The following VPS13B variants were observed in gnomAD, a reference collection of about 807,000 sequenced individuals.
The protein encoded by VPS13B is intermembrane lipid transfer protein VPS13B.
In VPS13B, 285 loss-of-function variants were observed where a neutral mutation model predicts 426.4. The ratio of observed to expected loss-of-function variants is 0.67; its 90% CI spans 0.61 to 0.74. VPS13B has a LOEUF of 0.74. Ranked by LOEUF, VPS13B falls within the 30% of genes least tolerant of loss-of-function variation. The probability of loss-of-function intolerance (pLI) is 0.00; values close to 1 mark genes in which losing one functional copy is unlikely to be tolerated. For synonymous variants in VPS13B, 1,676 were observed against 1,676.4 expected, an observed-to-expected ratio of 1.00 and a Z score of 0.01; for missense variants, 4,537 against 4,782.6, an observed-to-expected ratio of 0.95 and a Z score of 1.51.
intron 19 of VPS13B, among the ~76,000 whole-genome samples, chr8:99,342,442 A>C (rs932387443): frequency 6.6e-6 from 1 of 152,152 alleles, no homozygotes; most frequent in Non-Finnish European, 1.5e-5. Flanking sequence ...ATTCTGTGCT[A>C]CTTCTACAAG....
chr8:99,433,314 C>T (rs1226720587), intron 22 of VPS13B, among the ~76,000 whole-genome samples: 1 of 152,180 alleles, frequency 6.6e-6, no homozygotes, highest in African/African-American at 2.4e-5. Context: ...GTGTCCAGGG[C>T]TTACCAGCAC....
At chr8:99,484,565 T>C (rs1306749653) in intron 25 of VPS13B, among the ~76,000 whole-genome samples, 1 of 152,136 alleles carries the variant, frequency 6.6e-6, no homozygotes, top group African/African-American at 2.4e-5. Flanking sequence ...TTTATGAAGA[T>C]GGTTATTCAC....
intron 34 of VPS13B, 84 bp from the exon 35 acceptor site, chr8:99,661,270 C>G: frequency 6.4e-7 from 1 of 1,556,352 alleles, no homozygotes; most frequent in Non-Finnish European, 8.8e-7. Flanking sequence ...CAGTTTTTCT[C>G]TCATTTATTA....
chr8:99,130,923 C>G (rs1038217855), intron 8 of VPS13B, among the ~76,000 whole-genome samples: 4 of 152,090 alleles, frequency 2.6e-5, no homozygotes, highest in Non-Finnish European at 5.9e-5. Flanking sequence ...TTAGTTGATA[C>G]TCAATATAGA....
intron 15 of VPS13B, among the ~76,000 whole-genome samples, chr8:99,159,673 G>A (rs563949273): frequency 3.9e-5 from 6 of 152,128 alleles, no homozygotes; most frequent in Middle Eastern, 3.4e-3. Context: ...TTTTTGTAAG[G>A]GGTGAGGGCA....
intron 20 of VPS13B, among the ~76,000 whole-genome samples, chr8:99,388,802 G>C (rs1350706380): frequency 6.6e-6 from 1 of 152,174 alleles, no homozygotes; most frequent in African/African-American, 2.4e-5. Flanking sequence ...TTACTCTTGT[G>C]TTAGAAAGTG....
chr8:99,273,812 A>C (rs1423904349), intron 17 of VPS13B, among the ~76,000 whole-genome samples: 1 of 152,186 alleles, frequency 6.6e-6, no homozygotes, highest in East Asian at 1.9e-4. Flanking sequence ...TAAAAAATAA[A>C]AAATAAAGTC....
At chr8:99,520,388 T>TG (rs1822313914) in intron 29 of VPS13B, among the ~76,000 whole-genome samples, 6 of 138,174 alleles carry the variant, frequency 4.3e-5, no homozygotes, top group Non-Finnish European at 7.9e-5. Context: ...AGTGATATAC[T>TG]TTGTGTGTGT....
chr8:99,455,235 G>A (rs1818393593), intron 23 of VPS13B, among the ~76,000 whole-genome samples: 1 of 152,112 alleles, frequency 6.6e-6, no homozygotes, highest in African/African-American at 2.4e-5. Context: ...ATAGTTTTGT[G>A]TTTTGCATTA....
intron 25 of VPS13B, among the ~76,000 whole-genome samples, chr8:99,496,084 TACTC>T (rs1820866663): frequency 6.6e-6 from 1 of 152,188 alleles, no homozygotes; most frequent in South Asian, 2.1e-4. Flanking sequence ...GGATTACCGT[TACTC>T]ACAGACAACT....
rs937213176 is a variant in VPS13B, at chr8:99,642,221, G to A, written c.5631G>A (p.Arg1877=). 26 of 1,614,000 alleles carry A rather than the reference G, an allele frequency of 1.6e-5. No homozygotes were observed. The Admixed American group carries it at 2.3e-4, about 14-fold the overall frequency. The change falls in exon 34 of 62, where the codon AGG becomes AGA. Residue 1877 remains arginine, a synonymous_variant. Coordinates refer to ENST00000357162, the MANE Select transcript of VPS13B (RefSeq NM_152564.5). ...ISTVTAEDLL[R]SSISFPSGKK... Reference sequence around the variant, plus strand: ...CGGTGACAGCAGAAGATCTCTTAAGGAGCAGCATTTCTTTTCCTTCAGGGA... The same window carrying A: ...CGGTGACAGCAGAAGATCTCTTAAGAAGCAGCATTTCTTTTCCTTCAGGGA...
At chr8:99,591,333 G>A (rs181222429) in intron 33 of VPS13B, among the ~76,000 whole-genome samples, 2 of 151,752 alleles carry the variant, frequency 1.3e-5, no homozygotes, top group Admixed American at 6.6e-5. Flanking sequence ...TTTTAATTGG[G>A]GCATTTAGCC....
At chr8:99,826,413 T>C (rs1484283951) in intron 51 of VPS13B, among the ~76,000 whole-genome samples, 1 of 152,226 alleles carries the variant, frequency 6.6e-6, no homozygotes, top group Non-Finnish European at 1.5e-5. Flanking sequence ...TTTTTGCACA[T>C]TGATTTTGTA....
chr8:99,110,448 A>C (rs965854680), intron 5 of VPS13B, among the ~76,000 whole-genome samples: 1 of 151,984 alleles, frequency 6.6e-6, no homozygotes, highest in Non-Finnish European at 1.5e-5. Context: ...TGATTTCTTT[A>C]TTAATTAATG....
rs188958595 is a variant in VPS13B, at chr8:99,486,244, G to T, written c.3870+4442G>T. 2.6e-3 allele frequency among the ~76,000 whole-genome samples: 381 copies of T among 146,450 alleles called. 1 individual carries two copies. Among genetic ancestry groups the T allele is most frequent in the Non-Finnish European group, 4.8e-3 (319 of 66,038 alleles). On this transcript the variant is annotated intron_variant, in intron 25 of 61. Transcript: ENST00000357162. ...CATTTAGTTTCTCATGTTTGTTTTG[G>T]TTTTTTTTTTTACTATAGTTGTCCA... is the stretch of plus-strand genomic sequence containing the variant.
At chr8:99,042,988 T>G (rs1843042752) in intron 3 of VPS13B, among the ~76,000 whole-genome samples, 1 of 152,202 alleles carries the variant, frequency 6.6e-6, no homozygotes, top group Non-Finnish European at 1.5e-5. Context: ...TTGATTTGAA[T>G]GTCTAATTCT....
chr8:99,206,177 T>C lies in VPS13B; in HGVS notation c.2515+13120T>C, dbSNP rs117485253. ...ACAAGGACTTGCTACCACTTTTCCT[T>C]GTTCAGAAGTTCATTATTTTGTTGA... On this transcript the variant is annotated intron_variant, in intron 17 of 61. Coordinates refer to ENST00000357162, the MANE Select transcript of VPS13B (RefSeq NM_152564.5). Among the ~76,000 whole-genome samples the C allele has an allele frequency of 7.5e-4, 113 of 150,472 alleles. 1 individual carries two copies. The East Asian group carries it at 0.02, about 27-fold the overall frequency.
At chr8:99,805,087 G>A (rs1813321425) in intron 43 of VPS13B, among the ~76,000 whole-genome samples, 1 of 149,850 alleles carries the variant, frequency 6.7e-6, no homozygotes, top group Non-Finnish European at 1.5e-5. Context: ...TATATATACA[G>A]TAGTTTATTT....
At chr8:99,387,358 C>T (rs1814183152) in intron 20 of VPS13B, among the ~76,000 whole-genome samples, 1 of 152,020 alleles carries the variant, frequency 6.6e-6, no homozygotes, top group African/African-American at 2.4e-5. Context: ...GCAGGGACCA[C>T]AGGCACCCAC....
Sources: gnomAD v4.1 joint callset for allele counts (sites outside exome capture counted in the v4.1 genomes callset) on GRCh38, gnomAD v4.1.1 for gene constraint, MANE v1.5 for transcripts, NCBI Gene and HGNC (gene_info 2026-07-23, HGNC 2026-07-21) for gene names.